The following NCOR1 variants were observed in gnomAD, a reference collection of about 807,000 sequenced individuals.
The protein encoded by NCOR1 is protein phosphatase 1, regulatory subunit 109.
NCOR1 carries 63 observed loss-of-function variants against 288.1 expected under a neutral mutation model. The observed-to-expected ratio is 0.22, with a 90% CI of 0.18 to 0.27. The LOEUF is 0.27. Among genes scored for constraint, NCOR1 ranks in the 10% least tolerant of loss-of-function variants. NCOR1 has a pLI of 1.00. For missense variants in NCOR1, 2,397 were observed against 3,019.2 expected, an observed-to-expected ratio of 0.79 and a Z score of 4.83; for synonymous variants, 1,007 against 1,065.9, an observed-to-expected ratio of 0.94 and a Z score of 1.08.
chr17:16,094,603 CTCT>C (rs891491307), intron 21 of NCOR1, among the ~76,000 whole-genome samples: 2 of 152,148 alleles, frequency 1.3e-5, no homozygotes, highest in Non-Finnish European at 2.9e-5. Flanking sequence ...CATGGTCTCC[CTCT>C]CATGCCGAGC....
At chr17:16,050,050 C>G (rs1169309937) in intron 40 of NCOR1, among the ~76,000 whole-genome samples, 1 of 151,922 alleles carries the variant, frequency 6.6e-6, no homozygotes, top group Non-Finnish European at 1.5e-5. Context: ...GTCACCATGC[C>G]CAGCTAATAT....
At chr17:16,048,164 G>A (rs2058885073) in intron 41 of NCOR1, among the ~76,000 whole-genome samples, 1 of 152,248 alleles carries the variant, frequency 6.6e-6, no homozygotes, top group African/African-American at 2.4e-5. Context: ...CAGCGCATCA[G>A]TGGAGGGTTC....
chr17:16,214,664 G>A (rs1331834429), intron 1 of NCOR1, among the ~76,000 whole-genome samples: 1 of 152,088 alleles, frequency 6.6e-6, no homozygotes, highest in Non-Finnish European at 1.5e-5. Flanking sequence ...TTTAATACAT[G>A]ACTATTCCTG....
chr17:16,046,095 A>G (rs1414337369), intron 42 of NCOR1, among the ~76,000 whole-genome samples: 2 of 152,206 alleles, frequency 1.3e-5, no homozygotes, highest in Admixed American at 6.5e-5. Context: ...TTCCAGGCCA[A>G]TGTTTTATTT....
intron 23 of NCOR1, among the ~76,000 whole-genome samples, chr17:16,082,111 C>A (rs1030914128): frequency 1.3e-5 from 2 of 151,590 alleles, no homozygotes; most frequent in African/African-American, 4.9e-5. Flanking sequence ...TGGCTACACA[C>A]AACAAATAAT....
At chr17:16,058,413 G>A (rs1468069101) in intron 38 of NCOR1, 58 bp downstream of exon 38, 1 of 1,587,488 alleles carries the variant, frequency 6.3e-7, no homozygotes, top group Non-Finnish European at 8.6e-7. Context: ...CAGATAATTA[G>A]AAGCAAATGA....
At chr17:16,046,790 C>T in intron 42 of NCOR1, 161 bp downstream of exon 42, 1 of 778,272 alleles carries the variant, frequency 1.3e-6, no homozygotes, top group Non-Finnish European at 2.0e-6. Flanking sequence ...TAGAACTCTT[C>T]ATGGGCTGGC....
At chr17:16,201,127 T>C (rs1285652896) in intron 1 of NCOR1, among the ~76,000 whole-genome samples, 1 of 152,228 alleles carries the variant, frequency 6.6e-6, no homozygotes, top group Non-Finnish European at 1.5e-5. Context: ...ATTAACAAGG[T>C]ATTTTATTTG....
At chr17:16,211,305 G>T (rs1249679205) in intron 1 of NCOR1, among the ~76,000 whole-genome samples, 7 of 150,946 alleles carry the variant, frequency 4.6e-5, no homozygotes, top group Non-Finnish European at 7.4e-5. Flanking sequence ...CACCCAGTCT[G>T]AAGTGAGTGC....
intron 22 of NCOR1, among the ~76,000 whole-genome samples, chr17:16,088,818 C>T (rs1042051970): frequency 1.4e-4 from 22 of 152,092 alleles, no homozygotes; most frequent in African/African-American, 4.8e-4. Flanking sequence ...AATTCCGGAC[C>T]GTTAGCTCTA....
chr17:16,183,051 T>C (rs1036320267), intron 3 of NCOR1, among the ~76,000 whole-genome samples: 1 of 151,846 alleles, frequency 6.6e-6, no homozygotes, highest in Admixed American at 6.6e-5. Flanking sequence ...ATAAAGGCCA[T>C]TTGTGAAAAT....
chr17:16,198,192 C>T (rs1415549768), intron 1 of NCOR1: 3 of 151,246 alleles, frequency 2.0e-5, no homozygotes, highest in Non-Finnish European at 4.4e-5. Context: ...CCCATCTCTA[C>T]TAAAAATACA....
At chr17:16,175,903 T>C (rs1002130727) in intron 3 of NCOR1, among the ~76,000 whole-genome samples, 3 of 151,982 alleles carry the variant, frequency 2.0e-5, no homozygotes, top group South Asian at 2.1e-4. Flanking sequence ...CCATTCTTTG[T>C]TTGGCTGGAT....
chr17:16,117,240 T>C (rs1476184912), intron 18 of NCOR1, among the ~76,000 whole-genome samples: 4 of 152,154 alleles, frequency 2.6e-5, no homozygotes, highest in Admixed American at 6.5e-5. Context: ...TCCAAAAAGT[T>C]TGTATTTTTC....
At chr17:16,151,163 A>T (rs1329364586) in intron 8 of NCOR1, among the ~76,000 whole-genome samples, 1 of 151,730 alleles carries the variant, frequency 6.6e-6, no homozygotes, top group Non-Finnish European at 1.5e-5. Context: ...TTTGTCACAA[A>T]CTAAGAATAA....
At chr17:16,143,920 A>C (rs1395677264) in intron 10 of NCOR1, among the ~76,000 whole-genome samples, 6 of 152,204 alleles carry the variant, frequency 3.9e-5, no homozygotes, top group African/African-American at 1.4e-4. Context: ...TTCATGTTCA[A>C]ATGGTGGAAC....
intron 21 of NCOR1, among the ~76,000 whole-genome samples, chr17:16,094,699 C>T (rs1413055072): frequency 2.0e-5 from 3 of 152,130 alleles, no homozygotes; most frequent in South Asian, 2.1e-4. Context: ...CGAGTGCCTG[C>T]GATTGCAGGC....
At chr17:16,205,185 A>C (rs1359651285) in intron 1 of NCOR1, among the ~76,000 whole-genome samples, 2 of 152,192 alleles carry the variant, frequency 1.3e-5, no homozygotes, top group East Asian at 3.9e-4. Context: ...CTGCCATTGC[A>C]ATCCAGCCTG....
intron 1 of NCOR1, among the ~76,000 whole-genome samples, 159 bp from the exon 2 acceptor site, chr17:16,194,798 T>C (rs1339587442): frequency 6.6e-6 from 1 of 152,228 alleles, no homozygotes; most frequent in Non-Finnish European, 1.5e-5. Context: ...TTGAAAACAT[T>C]AATGCATCAT....
Sources: gnomAD v4.1 joint callset for allele counts (sites outside exome capture counted in the v4.1 genomes callset) on GRCh38, gnomAD v4.1.1 for gene constraint, MANE v1.5 for transcripts, NCBI Gene and HGNC (gene_info 2026-07-23, HGNC 2026-07-21) for gene names.